The following PLCB1 variants were observed in gnomAD, a reference collection of about 807,000 sequenced individuals.
The protein encoded by PLCB1 is 1-phosphatidylinositol 4,5-bisphosphate phosphodiesterase beta-1.
A neutral mutation model predicts 161.8 loss-of-function variants in PLCB1; 46 were observed. That is an observed-to-expected ratio of 0.28 (90% CI 0.22 to 0.36). PLCB1 has a LOEUF of 0.36. PLCB1 is among the 10% of genes least tolerant of loss of function. PLCB1 has a pLI of 1.00. For missense variants in PLCB1, 1,016 were observed against 1,472.5 expected (o/e 0.69, Z 5.07); for synonymous variants, 517 against 503.7 (o/e 1.03, Z -0.35).
chr20:8,134,920 A>G (rs951770927), intron 1 of PLCB1, among the ~76,000 whole-genome samples: 6 of 150,354 alleles, frequency 4.0e-5, no homozygotes, highest in African/African-American at 1.5e-4. Flanking sequence ...TATCTGGAAT[A>G]TAATGAGCTA....
At chr20:8,169,883 G>A (rs991018072) in intron 2 of PLCB1, among the ~76,000 whole-genome samples, 1 of 152,186 alleles carries the variant, frequency 6.6e-6, no homozygotes. Context: ...AATTTGGAGG[G>A]CTCAGTTGCT....
chr20:8,665,459 G>T (rs900505636), intron 9 of PLCB1, among the ~76,000 whole-genome samples: 1 of 152,076 alleles, frequency 6.6e-6, no homozygotes, highest in Non-Finnish European at 1.5e-5. Context: ...CCTGAACATT[G>T]CTGTTTCTCA....
chr20:8,520,207 T>TA (rs1347520560), intron 3 of PLCB1, among the ~76,000 whole-genome samples: 2 of 152,170 alleles, frequency 1.3e-5, no homozygotes, highest in Non-Finnish European at 2.9e-5. Context: ...AAGCTCTTGG[T>TA]AAAAACAACA....
intron 9 of PLCB1, among the ~76,000 whole-genome samples, chr20:8,684,106 G>A (rs554768898): frequency 7.2e-4 from 109 of 152,010 alleles, no homozygotes; most frequent in Non-Finnish European, 1.1e-3. Context: ...GGATGGTCTC[G>A]ATCTCCTGAC....
intron 11 of PLCB1, among the ~76,000 whole-genome samples, chr20:8,706,552 G>C (rs549909064): frequency 1.3e-5 from 2 of 152,270 alleles, no homozygotes; most frequent in African/African-American, 4.8e-5. Flanking sequence ...TGATACACTA[G>C]TGCCAAATTT....
chr20:8,683,974 C>T (rs1990285506), intron 9 of PLCB1, among the ~76,000 whole-genome samples: 1 of 151,782 alleles, frequency 6.6e-6, no homozygotes. Flanking sequence ...AACTCCACCT[C>T]CTGGGTTCAA....
chr20:8,659,422 T>C (rs1443845033), intron 9 of PLCB1, among the ~76,000 whole-genome samples: 4 of 152,162 alleles, frequency 2.6e-5, no homozygotes, highest in Admixed American at 6.6e-5. Flanking sequence ...CTCATCTGGA[T>C]TGAAATATCT....
intron 31 of PLCB1, among the ~76,000 whole-genome samples, chr20:8,835,092 C>A (rs933894865): frequency 1.3e-5 from 2 of 152,264 alleles, no homozygotes; most frequent in East Asian, 1.9e-4. Flanking sequence ...CACTCTGTGT[C>A]CCAGCAAATT....
intron 31 of PLCB1, 52 bp from the exon 32 acceptor site, chr20:8,881,570 G>T (rs558844697): frequency 1.5e-6 from 2 of 1,304,614 alleles, no homozygotes; most frequent in African/African-American, 1.5e-5. Flanking sequence ...TATGGGAGTG[G>T]GTATAGAAAC....
chr20:8,808,547 T>A (rs1441816560), intron 31 of PLCB1, among the ~76,000 whole-genome samples: 1 of 152,186 alleles, frequency 6.6e-6, no homozygotes, highest in East Asian at 1.9e-4. Context: ...CACAATTCAG[T>A]CCATAAAGGA....
intron 31 of PLCB1, among the ~76,000 whole-genome samples, chr20:8,880,201 A>C (rs1987923605): frequency 6.6e-6 from 1 of 152,282 alleles, no homozygotes; most frequent in Admixed American, 6.5e-5. Context: ...TGTTTCAAGG[A>C]TTATTCTCCC....
chr20:8,855,952 T>C (rs369358540), intron 31 of PLCB1, among the ~76,000 whole-genome samples: 6 of 152,132 alleles, frequency 3.9e-5, no homozygotes, highest in Admixed American at 2.6e-4. Flanking sequence ...ATTTTGAAAA[T>C]TGGATGAACA....
At chr20:8,470,672 G>A (rs545923243) in intron 3 of PLCB1, among the ~76,000 whole-genome samples, 86 of 152,260 alleles carry the variant, frequency 5.6e-4, no homozygotes, top group African/African-American at 2.0e-3. Flanking sequence ...AGCCTCCCAA[G>A]TAGCTGGGAC....
chr20:8,408,960 T>C (rs1409341991), intron 3 of PLCB1, among the ~76,000 whole-genome samples: 1 of 152,218 alleles, frequency 6.6e-6, no homozygotes, highest in Non-Finnish European at 1.5e-5. Context: ...CAAAATATAG[T>C]TGATTTACTA....
At chr20:8,370,581 C>T (rs757244323) in intron 2 of PLCB1, among the ~76,000 whole-genome samples, 10 of 152,104 alleles carry the variant, frequency 6.6e-5, no homozygotes, top group Non-Finnish European at 1.5e-4. Context: ...GGCATTTGCT[C>T]ATATTTTCCC....
chr20:8,495,409 T>C (rs1029693484), intron 3 of PLCB1, among the ~76,000 whole-genome samples: 3 of 77,842 alleles, frequency 3.9e-5, no homozygotes, highest in Admixed American at 2.9e-4. Flanking sequence ...TTTTTTTTTT[T>C]TTTTTTGAGA....
intron 3 of PLCB1, among the ~76,000 whole-genome samples, chr20:8,604,998 A>G (rs1054447981): frequency 6.6e-6 from 1 of 152,148 alleles, no homozygotes; most frequent in African/African-American, 2.4e-5. Flanking sequence ...CACTAAATGT[A>G]AAAAACATAA....
intron 2 of PLCB1, among the ~76,000 whole-genome samples, chr20:8,282,785 CTCCTACT>C (rs1424470885): frequency 6.6e-6 from 1 of 151,912 alleles, no homozygotes; most frequent in Non-Finnish European, 1.5e-5. Flanking sequence ...TTTAATTAAA[CTCCTACT>C]TCTTTTTCTT....
chr20:8,407,358 A>G (rs1006048901), intron 3 of PLCB1, among the ~76,000 whole-genome samples: 7 of 152,164 alleles, frequency 4.6e-5, no homozygotes, highest in Non-Finnish European at 1.5e-5. Context: ...AAACCTGACA[A>G]ACACTCTGTA....
Sources: gnomAD v4.1 joint callset for allele counts (sites outside exome capture counted in the v4.1 genomes callset) on GRCh38, gnomAD v4.1.1 for gene constraint, MANE v1.5 for transcripts, NCBI Gene and HGNC (gene_info 2026-07-23, HGNC 2026-07-21) for gene names.